ARHGAP8: variants seen among roughly 807,000 people sequenced by gnomAD.
The protein encoded by ARHGAP8 is Rho GTPase activating protein 8.
Under a neutral mutation model 46.1 loss-of-function variants are expected in ARHGAP8, and 62 were observed. That is an observed-to-expected ratio of 1.34 (90% confidence interval 1.10 to 1.66). ARHGAP8 has a LOEUF of 1.66. Ranked by LOEUF, ARHGAP8 falls within the 40% of genes most tolerant of loss-of-function variation. The pLI, the probability that ARHGAP8 is intolerant of heterozygous loss-of-function variation, is 0.00. For synonymous variants in ARHGAP8, 375 were observed against 243.1 expected, an observed-to-expected ratio of 1.54 and a Z score of -5.05; for missense variants, 923 against 568.4, an observed-to-expected ratio of 1.62 and a Z score of -6.34.
chr22:44,786,708 C>T (rs1927267676), intron 2 of ARHGAP8, 102 bp downstream of exon 2: 3 of 1,463,676 alleles, frequency 2.0e-6, no homozygotes, highest in Non-Finnish European at 2.7e-6. Context: ...CTCACTGCAG[C>T]TGGGCAAGAT....
intron 2 of ARHGAP8, among the ~76,000 whole-genome samples, chr22:44,800,096 CTGTCTTTTT>C (rs1569151330): frequency 2.7e-5 from 3 of 112,844 alleles, no homozygotes; most frequent in African/African-American, 3.3e-5. Context: ...GGAGTCTGTT[CTGTCTTTTT>C]TTTTTTTTTT....
At chr22:44,813,982 C>T (rs189425225) in intron 4 of ARHGAP8, among the ~76,000 whole-genome samples, 4 of 152,282 alleles carry the variant, frequency 2.6e-5, no homozygotes, top group South Asian at 2.1e-4. Context: ...TGCCCCTTCT[C>T]GCCTCCTGGG....
At chr22:44,758,312 C>T (rs1039686362) in intron 1 of ARHGAP8, among the ~76,000 whole-genome samples, 3 of 152,116 alleles carry the variant, frequency 2.0e-5, no homozygotes, top group Admixed American at 2.0e-4. Context: ...AACCCAGCTA[C>T]TCGGGAGGCT....
At chr22:44,817,745 T>C (rs7285979) in intron 5 of ARHGAP8, among the ~76,000 whole-genome samples, 7,010 of 152,134 alleles carry the variant, frequency 0.046, 523 homozygotes, top group African/African-American at 0.15. Context: ...AGGCAGAGGT[T>C]GCAGTGAGTC....
At chr22:44,815,955 G>A (rs1166784981) in intron 5 of ARHGAP8, among the ~76,000 whole-genome samples, 6 of 152,164 alleles carry the variant, frequency 3.9e-5, no homozygotes, top group African/African-American at 7.2e-5. Context: ...GCAGGAGGGC[G>A]CAGGTGTGCA....
intron 1 of ARHGAP8, among the ~76,000 whole-genome samples, chr22:44,767,729 C>T (rs182153866): frequency 1.1e-4 from 16 of 151,356 alleles, no homozygotes; most frequent in African/African-American, 2.7e-4. Flanking sequence ...AAAAATTAGC[C>T]GGGCGCAGAG....
rs564217426 is a variant in ARHGAP8 at position 44,856,901 on chromosome 22, G to A, written c.878-2830G>A. Among the ~76,000 whole-genome samples the A allele has an allele frequency of 7.0e-4, 101 of 144,248 alleles. 16 individuals are homozygous for A. Among genetic ancestry groups the A allele is most frequent in the Middle Eastern group, 3.5e-3 (1 of 288 alleles). The allele number at this position is 144,248 out of a possible 152,430, so 94.6% of individuals were successfully genotyped here. ...AGACTTTGACCACCCTCACACAGTC[G>A]CGCTGCAGACAGAAATCTGGGAGGC... On this transcript the variant is annotated intron_variant, in intron 10 of 11. Coordinates refer to ENST00000356099, the MANE Select transcript of ARHGAP8 (RefSeq NM_181335.3).
chr22:44,768,526 C>T (rs921515966), intron 1 of ARHGAP8, among the ~76,000 whole-genome samples: 3 of 151,024 alleles, frequency 2.0e-5, no homozygotes, highest in Admixed American at 1.3e-4. Flanking sequence ...AGGCTGGTCT[C>T]TAACTCCTGG....
rs554355538 is a variant in ARHGAP8, at chr22:44,814,654, C to T, written c.300-18C>T. ...CGGAGCGCGGCAGCCTGAAGTCATC[C>T]CCCGTTTCCCTCCTCAGGTACAAGA... On this transcript the variant is annotated intron_variant, in intron 4 of 11. Coordinates refer to ENST00000356099, the MANE Select transcript of ARHGAP8 (RefSeq NM_181335.3). 25 of 1,610,114 alleles carry T rather than the reference C, an allele frequency of 1.6e-5. No individual in the cohort carries two copies. Among genetic ancestry groups the T allele is most frequent in the African/African-American group, 5.4e-5 (4 of 74,620 alleles).
chr22:44,831,139 T>C (rs560136254), intron 7 of ARHGAP8, among the ~76,000 whole-genome samples: 2 of 152,356 alleles, frequency 1.3e-5, no homozygotes, highest in East Asian at 3.9e-4. Context: ...TTTGATGGTA[T>C]TTTCTGAAGC....
rs10700242 is a variant in ARHGAP8, at chr22:44,858,533, C to CTTTTTTTTTTTTTT, written c.878-1193_878-1180dup. On this transcript the variant is annotated intron_variant, in intron 10 of 11. Transcript: ENST00000356099. Reference sequence around the variant, plus strand: ...TACAGGTGTGTGCCACCATACCCGGCTTTTTTTTTTTTTTTTTTAAGTAAC... The same window carrying CTTTTTTTTTTTTTT: ...TACAGGTGTGTGCCACCATACCCGGCTTTTTTTTTTTTTTTTTTTTTTTTTTTTTTTTAAGTAAC... Among the ~76,000 whole-genome samples the CTTTTTTTTTTTTTT allele has an allele frequency of 1.1e-3, 101 of 89,760 alleles. 4 individuals carry two copies. The highest frequency in any genetic ancestry group is 1.8e-3 in the Non-Finnish European group (87 of 49,630). The allele number at this position is 89,760 out of a possible 152,430, so 58.9% of individuals were successfully genotyped here. A position where few individuals can be genotyped will look rare whatever the true frequency, so the allele number is the denominator to read the frequency against.
At chr22:44,808,654 T>C (rs1929111334) in intron 4 of ARHGAP8, 4 of 889,826 alleles carry the variant, frequency 4.5e-6, no homozygotes, top group Non-Finnish European at 7.1e-6. Context: ...TTTTTTTTCT[T>C]TCTTTCTTTT....
At position 44,777,512 on chromosome 22, in the gene ARHGAP8, C is replaced by T. The variant is rs1926510346; in HGVS notation, c.-71-8945C>T. ...CTCTTGGCAGAAATTCAAAGACTTT[C>T]GCCCCTGAGCAGGGTCACTCTGTTG... On this transcript the variant is annotated intron_variant, in intron 1 of 11. Transcript: ENST00000356099. Among the ~76,000 whole-genome samples the T allele has an allele frequency of 2.6e-5, 4 of 152,060 alleles. No homozygotes were observed. The South Asian group carries it at 8.3e-4, about 32-fold the overall frequency.
intron 10 of ARHGAP8, among the ~76,000 whole-genome samples, chr22:44,854,291 C>T (rs573760937): frequency 6.9e-6 from 1 of 145,176 alleles, no homozygotes; most frequent in East Asian, 2.1e-4. Flanking sequence ...GGTTGGAGTG[C>T]AGTGGCCTGA....
In ARHGAP8 at chr22:44,860,414, A is replaced by T. The variant is rs189278217; in HGVS notation, c.981+580A>T. On this transcript the variant is annotated intron_variant, in intron 11 of 11. Transcript: ENST00000356099. ...TCCTGGTCACTCCAGCTATGCCTCC[A>T]GCTCCCCCCTGGCCTTTGTCTGTGT... 2.3e-3 allele frequency among the ~76,000 whole-genome samples: 351 copies of T among 151,718 alleles called. 2 individuals carry two copies. Among genetic ancestry groups the T allele is most frequent in the African/African-American group, 8.2e-3 (337 of 41,246 alleles).
At chr22:44,798,543 T>C (rs1170177721) in intron 2 of ARHGAP8, among the ~76,000 whole-genome samples, 1 of 148,654 alleles carries the variant, frequency 6.7e-6, no homozygotes, top group African/African-American at 2.5e-5. Flanking sequence ...TTTTTTTTTT[T>C]TGGGTAGGGC....
chr22:44,813,079 A>T (rs967720874), intron 4 of ARHGAP8, among the ~76,000 whole-genome samples: 8 of 152,054 alleles, frequency 5.3e-5, no homozygotes, highest in African/African-American at 1.9e-4. Context: ...CCAGCTCAGG[A>T]ATCTGCCATT....
intron 8 of ARHGAP8, among the ~76,000 whole-genome samples, chr22:44,847,126 T>A (rs538947574): frequency 6.6e-6 from 1 of 152,296 alleles, no homozygotes; most frequent in Non-Finnish European, 1.5e-5. Flanking sequence ...TCCTAGGTCC[T>A]GGTGTTCCGG....
At chr22:44,785,157 G>A (rs1242517789) in intron 1 of ARHGAP8, among the ~76,000 whole-genome samples, 1 of 152,144 alleles carries the variant, frequency 6.6e-6, no homozygotes, top group African/African-American at 2.4e-5. Flanking sequence ...TCTCAAACCT[G>A]ACTTTGCATC....
Sources: allele counts gnomAD v4.1 joint callset (sites outside exome capture counted in the v4.1 genomes callset), GRCh38; gene constraint gnomAD v4.1.1; transcripts MANE v1.5; gene names NCBI Gene and HGNC (gene_info 2026-07-23, HGNC 2026-07-21).